The following MECOM variants were observed in gnomAD, a reference collection of about 807,000 sequenced individuals.
MECOM encodes the protein MDS1 and EVI1 complex locus, also known as histone-lysine N-methyltransferase MECOM.
MECOM carries 13 observed loss-of-function variants against 116.3 expected under a neutral mutation model. The observed-to-expected ratio is 0.11, with a 90% CI of 0.07 to 0.18. The LOEUF (loss-of-function observed/expected upper bound fraction) is 0.18. Ranked by LOEUF, MECOM falls within the 10% of genes least tolerant of loss-of-function variation. The pLI is 1.00. For synonymous variants in MECOM, 528 were observed against 535.2 expected, an observed-to-expected ratio of 0.99 and a Z score of 0.19; for missense variants, 1,299 against 1,509.0, an observed-to-expected ratio of 0.86 and a Z score of 2.31.
At chr3:169,147,005 C>T in intron 2 of MECOM, 1 of 993,948 alleles carries the variant, frequency 1.0e-6, no homozygotes, top group East Asian at 1.1e-4. Flanking sequence ...ATTTTTAATA[C>T]AAGAAATGAA....
At chr3:169,526,934 T>G (rs1209226641) in intron 1 of MECOM, among the ~76,000 whole-genome samples, 1 of 152,156 alleles carries the variant, frequency 6.6e-6, no homozygotes, top group East Asian at 1.9e-4. Context: ...AAAGGAAATG[T>G]TGGTGATCCT....
intron 1 of MECOM, among the ~76,000 whole-genome samples, chr3:169,639,530 T>A (rs1201900877): frequency 6.6e-6 from 1 of 152,218 alleles, no homozygotes; most frequent in Admixed American, 6.5e-5. Flanking sequence ...TTGATCAAAC[T>A]GTGCCTGGGC....
intron 1 of MECOM, among the ~76,000 whole-genome samples, chr3:169,424,854 T>A (rs1195923288): frequency 6.6e-6 from 1 of 152,210 alleles, no homozygotes; most frequent in African/African-American, 2.4e-5. Flanking sequence ...TTTTGTTTAA[T>A]GCTTTAACCA....
At chr3:169,346,280 T>A (rs1725333360) in intron 2 of MECOM, among the ~76,000 whole-genome samples, 2 of 152,132 alleles carry the variant, frequency 1.3e-5, no homozygotes, top group African/African-American at 2.4e-5. Context: ...TCAAACTATT[T>A]ATTCTGTTTT....
intron 2 of MECOM, among the ~76,000 whole-genome samples, chr3:169,159,812 T>C (rs1378847434): frequency 1.3e-5 from 2 of 152,084 alleles, no homozygotes; most frequent in Non-Finnish European, 2.9e-5. Flanking sequence ...GTGCTTGGGG[T>C]GTGACATATG....
At chr3:169,397,723 CAG>C (rs1453888851) in intron 1 of MECOM, among the ~76,000 whole-genome samples, 1 of 152,132 alleles carries the variant, frequency 6.6e-6, no homozygotes, top group Non-Finnish European at 1.5e-5. Flanking sequence ...CAGTTAGGTT[CAG>C]AGATAGGCAA....
At chr3:169,624,221 G>T (rs1187332578) in intron 1 of MECOM, among the ~76,000 whole-genome samples, 1 of 152,208 alleles carries the variant, frequency 6.6e-6, no homozygotes, top group African/African-American at 2.4e-5. Context: ...CTGGGAAACT[G>T]CCAGGTTTCT....
chr3:169,091,909 G>T (rs1051359580), intron 14 of MECOM, among the ~76,000 whole-genome samples: 2 of 152,004 alleles, frequency 1.3e-5, no homozygotes, highest in Non-Finnish European at 2.9e-5. Context: ...ATACTTGTAT[G>T]ATGAAAAATA....
chr3:169,259,282 T>A (rs1757243197), intron 2 of MECOM, among the ~76,000 whole-genome samples: 2 of 152,294 alleles, frequency 1.3e-5, no homozygotes, highest in East Asian at 1.9e-4. Flanking sequence ...CATAGTTAAA[T>A]CACTTCCTCC....
intron 2 of MECOM, among the ~76,000 whole-genome samples, chr3:169,328,806 AAGAT>A (rs377090312): frequency 6.6e-6 from 1 of 152,296 alleles, no homozygotes; most frequent in African/African-American, 2.4e-5. Flanking sequence ...GTTCGCTTAT[AAGAT>A]AGAGAATTGT....
At chr3:169,369,720 CA>C (rs1392748547) in intron 2 of MECOM, among the ~76,000 whole-genome samples, 3 of 151,954 alleles carry the variant, frequency 2.0e-5, no homozygotes, top group Admixed American at 2.0e-4. Context: ...CGTTCAAACT[CA>C]GGGTCCCATT....
At chr3:169,544,893 A>G (rs1760526980) in intron 1 of MECOM, among the ~76,000 whole-genome samples, 1 of 152,334 alleles carries the variant, frequency 6.6e-6, no homozygotes, top group Admixed American at 6.5e-5. Context: ...AAGGGGAGGA[A>G]GAGCATTAGG....
intron 1 of MECOM, among the ~76,000 whole-genome samples, chr3:169,556,523 G>A (rs1461292633): frequency 1.3e-5 from 2 of 152,182 alleles, no homozygotes; most frequent in Non-Finnish European, 2.9e-5. Flanking sequence ...AGACTCTTAA[G>A]ATAGCACCAG....
In MECOM at chr3:169,556,905, G is replaced by A. The variant is rs528509339; in HGVS notation, c.37+106431C>T. The stretch of plus-strand genomic sequence containing the variant: ...CCAGCTCCCAGATTCCTGACCCGTA[G>A]AATCTAAAAAATAAAAAATAAAAAA... On this transcript the variant is annotated intron_variant, in intron 1 of 16. Coordinates refer to ENST00000651503, the MANE Select transcript of MECOM (RefSeq NM_004991.4). Among the ~76,000 whole-genome samples the A allele has an allele frequency of 1.6e-3, 250 of 152,130 alleles. 1 individual carries two copies. Among genetic ancestry groups the A allele is most frequent in the African/African-American group, 5.7e-3 (235 of 41,508 alleles).
intron 1 of MECOM, among the ~76,000 whole-genome samples, chr3:169,497,412 C>T (rs933789232): frequency 3.3e-5 from 5 of 150,868 alleles, no homozygotes; most frequent in African/African-American, 1.2e-4. Flanking sequence ...GTAGTGTGAT[C>T]TCAGCTCACT....
chr3:169,629,018 G>A (rs1354021785), intron 1 of MECOM, among the ~76,000 whole-genome samples: 1 of 151,896 alleles, frequency 6.6e-6, no homozygotes, highest in Admixed American at 6.6e-5. Context: ...GATTTCTGTG[G>A]TGTTTGACTT....
chr3:169,098,067 A>G (rs6808695), intron 12 of MECOM, among the ~76,000 whole-genome samples: 2 of 152,050 alleles, frequency 1.3e-5, no homozygotes, highest in African/African-American at 2.4e-5. Flanking sequence ...TTAGACTTAC[A>G]GAAGACTTGC....
intron 2 of MECOM, among the ~76,000 whole-genome samples, chr3:169,161,249 A>G (rs1742799726): frequency 6.6e-6 from 1 of 152,188 alleles, no homozygotes; most frequent in African/African-American, 2.4e-5. Context: ...CCATGCATGG[A>G]TCCTGGGGAA....
intron 2 of MECOM, among the ~76,000 whole-genome samples, chr3:169,148,140 C>G (rs921476289): frequency 2.0e-5 from 3 of 152,098 alleles, no homozygotes; most frequent in Non-Finnish European, 4.4e-5. Context: ...ATTTTAAAAT[C>G]TGAAAAATTA....
Sources: allele counts gnomAD v4.1 joint callset (sites outside exome capture counted in the v4.1 genomes callset), GRCh38; gene constraint gnomAD v4.1.1; transcripts MANE v1.5; gene names NCBI Gene and HGNC (gene_info 2026-07-23, HGNC 2026-07-21).